Variants in BLTP1 observed in about 807,000 individuals in gnomAD.
The protein encoded by BLTP1 is fragile site-associated protein.
chr4:122,183,901 G>A, the BLTP1 span, among the ~76,000 whole-genome samples: 1 of 151,662 alleles, frequency 6.6e-6, no homozygotes, highest in Admixed American at 6.6e-5. Context: ...AAGATCTAGT[G>A]TAAATATCCA....
the BLTP1 span, chr4:122,194,712 G>A: frequency 1.2e-6 from 1 of 834,234 alleles, no homozygotes; most frequent in East Asian, 1.2e-4. Context: ...TTCTTAAACT[G>A]TATTTAATTT....
At chr4:122,277,095 T>C in the BLTP1 span, 1 of 984,036 alleles carries the variant, frequency 1.0e-6, no homozygotes, top group Non-Finnish European at 1.2e-6. Context: ...TTAGAAGTTA[T>C]TGGAGCCAAG....
At chr4:122,181,239 T>C in the BLTP1 span, 1 of 955,574 alleles carries the variant, frequency 1.0e-6, no homozygotes, top group Non-Finnish European at 1.2e-6. Context: ...TTAGATGCGT[T>C]CTTTTTTTTT....
chr4:122,265,984 G>A, the BLTP1 span, among the ~76,000 whole-genome samples: 1 of 152,188 alleles, frequency 6.6e-6, no homozygotes, highest in Non-Finnish European at 1.5e-5. Context: ...ATGAGCCACC[G>A]TGCCCGGCCT....
At chr4:122,345,530 G>C in the BLTP1 span, among the ~76,000 whole-genome samples, 1 of 151,960 alleles carries the variant, frequency 6.6e-6, no homozygotes, top group African/African-American at 2.4e-5. Flanking sequence ...CATTTAATTG[G>C]TTTAAGTGGA....
the BLTP1 span, among the ~76,000 whole-genome samples, chr4:122,252,552 G>T: frequency 7.2e-5 from 11 of 152,324 alleles, no homozygotes; most frequent in Admixed American, 7.2e-4. Flanking sequence ...TGGCCATGGG[G>T]TAAGGATTCT....
At chr4:122,317,165 C>T in the BLTP1 span, among the ~76,000 whole-genome samples, 6 of 151,962 alleles carry the variant, frequency 3.9e-5, no homozygotes, top group Admixed American at 6.6e-5. Flanking sequence ...AACCCTGTCT[C>T]TACTAAAAAT....
chr4:122,259,025 C>A, the BLTP1 span, among the ~76,000 whole-genome samples: 3 of 150,900 alleles, frequency 2.0e-5, no homozygotes, highest in Non-Finnish European at 2.9e-5. Flanking sequence ...TCAGTAACTG[C>A]TGTTGATTAA....
At chr4:122,294,620 C>G in the BLTP1 span, among the ~76,000 whole-genome samples, 4 of 152,178 alleles carry the variant, frequency 2.6e-5, no homozygotes, top group South Asian at 8.3e-4. Context: ...TCAGCAAACT[C>G]AAAGATTGAA....
the BLTP1 span, among the ~76,000 whole-genome samples, chr4:122,201,528 C>A: frequency 2.6e-5 from 4 of 152,206 alleles, no homozygotes; most frequent in East Asian, 5.8e-4. Context: ...TATTTTTATA[C>A]TTGGAGCCCT....
chr4:122,294,598 C>G, the BLTP1 span, among the ~76,000 whole-genome samples: 1 of 152,066 alleles, frequency 6.6e-6, no homozygotes, highest in Non-Finnish European at 1.5e-5. Context: ...CCACAACAAC[C>G]CCATTCAGAG....
the BLTP1 span, chr4:122,155,043 T>C: frequency 5.2e-4 from 281 of 538,364 alleles, no homozygotes; most frequent in Non-Finnish European, 4.2e-4. Flanking sequence ...TAACTAGCTA[T>C]TGAGTATCAT....
chr4:122,159,624 A>G, the BLTP1 span, among the ~76,000 whole-genome samples: 3 of 152,108 alleles, frequency 2.0e-5, no homozygotes, highest in African/African-American at 7.2e-5. Flanking sequence ...CTACTGTTAT[A>G]ATGTTTTTTG....
the BLTP1 span, among the ~76,000 whole-genome samples, chr4:122,357,656 T>C: frequency 2.0e-5 from 3 of 151,974 alleles, no homozygotes; most frequent in South Asian, 4.2e-4. Flanking sequence ...AAGAATGAGG[T>C]AGTTTGAAAT....
At chr4:122,328,480 AAC>A in the BLTP1 span, 38 of 821,194 alleles carry the variant, frequency 4.6e-5, no homozygotes, top group Non-Finnish European at 6.1e-5. Context: ...GAGTGAGACT[AAC>A]AGACTCATTA....
At chr4:122,264,103 A>G in the BLTP1 span, 11 of 1,225,994 alleles carry the variant, frequency 9.0e-6, no homozygotes, top group Non-Finnish European at 1.1e-5. Flanking sequence ...AAATAACCTA[A>G]AAGTATGCAT....
chr4:122,347,555 G>C, the BLTP1 span: 2 of 1,613,612 alleles, frequency 1.2e-6, no homozygotes, highest in Non-Finnish European at 1.7e-6. Flanking sequence ...TCCATTGAAG[G>C]GGTAAGCCAA....
the BLTP1 span, chr4:122,271,790 G>A: frequency 9.5e-7 from 1 of 1,051,886 alleles, no homozygotes; most frequent in Non-Finnish European, 1.4e-6. Context: ...AGAAGCAGAA[G>A]ACTGTTCATC....
At chr4:122,302,135 G>T in the BLTP1 span, 2 of 284,244 alleles carry the variant, frequency 7.0e-6, no homozygotes, top group African/African-American at 2.3e-5. Flanking sequence ...TAAGATACTG[G>T]TGTTCATAAA....
Sources: gnomAD v4.1 joint callset for allele counts (sites outside exome capture counted in the v4.1 genomes callset) on GRCh38, gnomAD v4.1.1 for gene constraint, MANE v1.5 for transcripts, NCBI Gene and HGNC (gene_info 2026-07-23, HGNC 2026-07-21) for gene names.